The following LIPA variants were observed in gnomAD, a reference collection of about 807,000 sequenced individuals.
The protein encoded by LIPA is lipase A, lysosomal acid type.
In LIPA, 26 loss-of-function variants were observed where a neutral mutation model predicts 40.6. The ratio of observed to expected loss-of-function variants is 0.64; its 90% CI spans 0.47 to 0.89. The LOEUF is 0.89. Among genes scored for constraint, LIPA ranks in the 40% least tolerant of loss-of-function variants. LIPA has a pLI of 0.00. For synonymous variants in LIPA, 188 were observed against 168.4 expected, an observed-to-expected ratio of 1.12 and a Z score of -0.90; for missense variants, 455 against 479.6, an observed-to-expected ratio of 0.95 and a Z score of 0.48.
intron 1 of LIPA, among the ~76,000 whole-genome samples, chr10:89,303,329 C>G (rs1843457929): frequency 6.6e-6 from 1 of 152,344 alleles, no homozygotes; most frequent in East Asian, 1.9e-4. Flanking sequence ...GGGTTAGAGT[C>G]TGAGGATGTG....
chr10:89,288,340 A>G (rs1412074440), intron 1 of LIPA, among the ~76,000 whole-genome samples: 1 of 152,106 alleles, frequency 6.6e-6, no homozygotes, highest in African/African-American at 2.4e-5. Flanking sequence ...GACCCCATAG[A>G]TCCTAAATCC....
chr10:89,403,638 G>A, intron 2 of LIPA: 1 of 1,614,046 alleles, frequency 6.2e-7, no homozygotes, highest in Non-Finnish European at 8.5e-7. Flanking sequence ...AAATATGAAT[G>A]AAGCCCTGGA....
At chr10:89,402,642 A>C (rs191411023) in intron 2 of LIPA, 12 of 1,614,242 alleles carry the variant, frequency 7.4e-6, no homozygotes, top group Non-Finnish European at 9.3e-6. Flanking sequence ...CAAGGTGGAG[A>C]ACATTTGCAA....
rs117915357 is a variant in LIPA, at chr10:89,348,513, T to C, written c.61+64278A>G. On this transcript the variant is annotated intron_variant, in intron 2 of 8. Coordinates refer to the LIPA transcript ENST00000371837. ...TGTCTGCTACTGAACAAAACTGGGG[T>C]CCACTTGCCCAGCCCAGTAAAGCCA... 8.1e-3 allele frequency among the ~76,000 whole-genome samples: 1,229 copies of C among 152,244 alleles called. 10 individuals carry two copies. The highest frequency in any genetic ancestry group is 0.041 in the Middle Eastern group (12 of 294).
chr10:89,413,970 A>C (rs1395559514), intron 1 of LIPA, among the ~76,000 whole-genome samples: 5 of 152,172 alleles, frequency 3.3e-5, no homozygotes. Flanking sequence ...CAAAATGTTT[A>C]AGGTATGGGT....
intron 3 of LIPA, among the ~76,000 whole-genome samples, chr10:89,228,610 T>C (rs1264259706): frequency 6.6e-6 from 1 of 152,232 alleles, no homozygotes; most frequent in African/African-American, 2.4e-5. Context: ...TGGACCATTT[T>C]TTGCATGTCC....
chr10:89,303,134 T>C lies in LIPA; in HGVS notation c.-2+39477A>G, dbSNP rs1843456435. ...GGTCTTATCTTAGAATTTTTCCCAT[T>C]ACAATACAGACCCATCTGTCCTTTC... On this transcript the variant is annotated intron_variant, in intron 1 of 5. Transcript: ENST00000282673. Among the ~76,000 whole-genome samples the C allele has an allele frequency of 3.9e-5, 6 of 152,358 alleles. No individual in the cohort carries two copies. The South Asian group carries it at 1.2e-3, about 32-fold the overall frequency.
At chr10:89,258,579 A>T (rs1355294326) in intron 1 of LIPA, among the ~76,000 whole-genome samples, 1 of 152,202 alleles carries the variant, frequency 6.6e-6, no homozygotes, top group East Asian at 1.9e-4. Context: ...AGAAATGTGA[A>T]CCCTTGCACA....
At chr10:89,313,903 G>A (rs954638531) in intron 1 of LIPA, among the ~76,000 whole-genome samples, 5 of 152,218 alleles carry the variant, frequency 3.3e-5, no homozygotes, top group African/African-American at 1.2e-4. Flanking sequence ...GACGATGGGA[G>A]ATGACAGCTT....
chr10:89,251,280 C>G (rs1843115732), intron 1 of LIPA, among the ~76,000 whole-genome samples: 2 of 152,198 alleles, frequency 1.3e-5, no homozygotes, highest in Admixed American at 1.3e-4. Flanking sequence ...AAAGCAGTAT[C>G]GCTGGGACTT....
At chr10:89,389,856 T>A (rs1415355142) in intron 2 of LIPA, among the ~76,000 whole-genome samples, 1 of 152,086 alleles carries the variant, frequency 6.6e-6, no homozygotes, top group Admixed American at 6.6e-5. Flanking sequence ...GTCCAGGGAT[T>A]GAGTCCCATA....
At chr10:89,228,954 A>T (rs1842806263) in intron 3 of LIPA, among the ~76,000 whole-genome samples, 1 of 152,250 alleles carries the variant, frequency 6.6e-6, no homozygotes. Context: ...GCAGTTTCTT[A>T]CAAAACTAAA....
chr10:89,250,088 TTTTTC>T (rs1240438306), intron 1 of LIPA, among the ~76,000 whole-genome samples: 4 of 80,640 alleles, frequency 5.0e-5, no homozygotes, highest in East Asian at 3.0e-4. Flanking sequence ...TTTCTTTTTC[TTTTTC>T]TTTTCTTTTC....
chr10:89,401,235 G>A (rs1313344523), intron 2 of LIPA, among the ~76,000 whole-genome samples: 1 of 151,502 alleles, frequency 6.6e-6, no homozygotes, highest in Admixed American at 6.6e-5. Context: ...TCCTGCCTCA[G>A]CCTCCGAAGT....
In LIPA at chr10:89,412,732, A is replaced by G. The variant is rs952082286; in HGVS notation, c.61+59T>C. 16 of 439,318 alleles carry G rather than the reference A, an allele frequency of 3.6e-5. 2 individuals are homozygous for G. Among genetic ancestry groups the G allele is most frequent in the African/African-American group, 2.7e-4 (13 of 48,768 alleles). The allele number at this position is 439,318 out of a possible 1,614,324, so 27.2% of individuals were successfully genotyped here. On this transcript the variant is annotated intron_variant, in intron 2 of 8. Coordinates refer to the LIPA transcript ENST00000371837. ...CGGACGCGCCACCTTTAAGATCTGT[A>G]ACACTCACTGTGAAGGTCTGCAGCT...
chr10:89,270,948 G>GC (rs933154433), intron 1 of LIPA, among the ~76,000 whole-genome samples: 3 of 152,178 alleles, frequency 2.0e-5, no homozygotes, highest in African/African-American at 7.2e-5. Context: ...TTTAACGATG[G>GC]CCCAAGACCT....
chr10:89,280,220 G>C (rs532994457), intron 1 of LIPA, among the ~76,000 whole-genome samples: 18 of 152,144 alleles, frequency 1.2e-4, no homozygotes, highest in African/African-American at 4.3e-4. Context: ...TGTTTATACT[G>C]ATGAATTTAT....
chr10:89,229,313 G>T (rs1842809944), intron 3 of LIPA, among the ~76,000 whole-genome samples: 1 of 152,234 alleles, frequency 6.6e-6, no homozygotes. Context: ...GATCCTGGTT[G>T]CCAGGGGTTA....
At chr10:89,348,748 G>T (rs537503046) in intron 2 of LIPA, among the ~76,000 whole-genome samples, 2 of 152,194 alleles carry the variant, frequency 1.3e-5, no homozygotes, top group South Asian at 4.1e-4. Flanking sequence ...CTCAGGGCCC[G>T]GTAGTGCCTG....
Sources: allele counts gnomAD v4.1 joint callset (sites outside exome capture counted in the v4.1 genomes callset), GRCh38; gene constraint gnomAD v4.1.1; transcripts MANE v1.5; gene names NCBI Gene and HGNC (gene_info 2026-07-23, HGNC 2026-07-21).